TRPC6: variants seen among roughly 807,000 people sequenced by gnomAD.
TRPC6 encodes transient receptor potential cation channel subfamily C member 6.
In TRPC6, 55 loss-of-function variants were observed where a neutral mutation model predicts 90.7. That is an observed-to-expected ratio of 0.61 (90% CI 0.49 to 0.76). The LOEUF is 0.76. Ranked by LOEUF, TRPC6 falls within the 30% of genes least tolerant of loss-of-function variation. TRPC6 has a pLI of 0.00. For synonymous variants in TRPC6, 393 were observed against 393.0 expected, an observed-to-expected ratio of 1.00 and a Z score of 0.00; for missense variants, 989 against 1,122.7, an observed-to-expected ratio of 0.88 and a Z score of 1.70.
intron 10 of TRPC6, among the ~76,000 whole-genome samples, chr11:101,459,612 G>C (rs1297443725): frequency 6.6e-6 from 1 of 152,096 alleles, no homozygotes; most frequent in Non-Finnish European, 1.5e-5. Flanking sequence ...CATTTTTAGA[G>C]AAGCTACAGG....
In TRPC6 at chr11:101,530,349, G is replaced by A. The variant is rs187210737; in HGVS notation, c.171-25551C>T. On this transcript the variant is annotated intron_variant, in intron 1 of 12. Coordinates refer to ENST00000344327, the MANE Select transcript of TRPC6 (RefSeq NM_004621.6). Reference sequence around the variant, plus strand: ...CCACAGCAGATCCTACGACAGCTCAGAAATTTGTCTCCAGTGCCCTTCAAT... The same window carrying A: ...CCACAGCAGATCCTACGACAGCTCAAAAATTTGTCTCCAGTGCCCTTCAAT... Among the ~76,000 whole-genome samples, 12 of 152,232 alleles carry A rather than the reference G, an allele frequency of 7.9e-5. No homozygotes were observed. In the East Asian group the frequency reaches 2.3e-3, roughly 29 times the overall value.
At chr11:101,486,236 T>A (rs1235777045) in intron 4 of TRPC6, among the ~76,000 whole-genome samples, 1 of 152,234 alleles carries the variant, frequency 6.6e-6, no homozygotes, top group East Asian at 1.9e-4. Flanking sequence ...GATTTTGGCA[T>A]CTCTCACTAG....
At position 101,453,545 on chromosome 11, in the gene TRPC6, A is replaced by G. The variant is rs948110955; in HGVS notation, c.2644+105T>C. 8.2e-6 allele frequency: 9 copies of G among 1,101,396 alleles called. No homozygotes were observed. In the African/African-American group the frequency reaches 1.1e-4, roughly 13 times the overall value. The allele number at this position is 1,101,396 out of a possible 1,614,324, so 68.2% of individuals were successfully genotyped here. A position where few individuals can be genotyped will look rare whatever the true frequency, so the allele number is the denominator to read the frequency against. On this transcript the variant is annotated intron_variant, in intron 12 of 12. Coordinates refer to ENST00000344327, the MANE Select transcript of TRPC6 (RefSeq NM_004621.6). The stretch of plus-strand genomic sequence containing the variant: ...GATCCTGTTCTACTTTTCCCCTTGA[A>G]GTTCACTCTCCCTGTACGCATCTCT...
rs111367906 is a variant in TRPC6, at chr11:101,491,836, C to G, written c.946-98G>C. On this transcript the variant is annotated intron_variant, in intron 2 of 12. Coordinates refer to ENST00000344327, the MANE Select transcript of TRPC6 (RefSeq NM_004621.6). ...GATTTTATACTTTAAGAGAAACATT[C>G]TTTTTTTTTTTTTTTTTTTTTTGAG... 955 of 444,714 alleles carry G rather than the reference C, an allele frequency of 2.1e-3. 3 individuals are homozygous for G. Among genetic ancestry groups the G allele is most frequent in the Non-Finnish European group, 2.6e-3 (786 of 298,588 alleles). 27.5% of individuals were successfully genotyped at this position (444,714 alleles called of 1,614,324 possible). A position where few individuals can be genotyped will look rare whatever the true frequency, so the allele number is the denominator to read the frequency against.
intron 10 of TRPC6, among the ~76,000 whole-genome samples, chr11:101,464,415 G>A (rs569381546): frequency 6.6e-6 from 1 of 152,174 alleles, no homozygotes; most frequent in Admixed American, 6.5e-5. Flanking sequence ...CTATTATTGT[G>A]TGGGAGTCTG....
chr11:101,492,538 T>A (rs983500237), intron 2 of TRPC6, among the ~76,000 whole-genome samples: 2 of 151,986 alleles, frequency 1.3e-5, no homozygotes, highest in East Asian at 3.9e-4. Context: ...TCCGTGATCA[T>A]GCCACTGTCA....
intron 1 of TRPC6, among the ~76,000 whole-genome samples, chr11:101,562,328 T>C (rs1024315941): frequency 3.3e-5 from 5 of 150,316 alleles, no homozygotes; most frequent in African/African-American, 1.3e-4. Flanking sequence ...CAGTTATGTA[T>C]TTAGTATATA....
chr11:101,473,439 C>G (rs998361147), intron 7 of TRPC6, 70 bp downstream of exon 7: 10 of 1,560,318 alleles, frequency 6.4e-6, no homozygotes, highest in Non-Finnish European at 8.8e-6. Flanking sequence ...CATGGACTTA[C>G]ATAAACGCTG....
chr11:101,534,857 A>G (rs180946574), intron 1 of TRPC6, among the ~76,000 whole-genome samples: 8 of 152,290 alleles, frequency 5.3e-5, no homozygotes, highest in Admixed American at 4.6e-4. Context: ...TGCAAGATTT[A>G]TATGAGAAAA....
At chr11:101,562,379 T>A (rs1362674025) in intron 1 of TRPC6, among the ~76,000 whole-genome samples, 1 of 152,154 alleles carries the variant, frequency 6.6e-6, no homozygotes, top group African/African-American at 2.4e-5. Flanking sequence ...TGGACAGTCC[T>A]CAAAAAGCTT....
At chr11:101,538,005 G>A (rs1303069794) in intron 1 of TRPC6, among the ~76,000 whole-genome samples, 4 of 151,894 alleles carry the variant, frequency 2.6e-5, no homozygotes, top group African/African-American at 9.7e-5. Flanking sequence ...CTGTCCTCTT[G>A]CTTTGTTTTT....
intron 2 of TRPC6, among the ~76,000 whole-genome samples, chr11:101,499,639 G>GTATATATATATACACAATATAAAATGTA (rs1565218515): frequency 2.4e-4 from 10 of 41,766 alleles, no homozygotes; most frequent in Non-Finnish European, 3.3e-4. Flanking sequence ...TATAAAATGT[G>GTATATATATATACACAATATAAAATGTA]TATATATATA....
rs373385109 is a variant in TRPC6 at position 101,454,029 on chromosome 11, A to G, written c.2569-304T>C. Among the ~76,000 whole-genome samples the G allele has an allele frequency of 7.9e-5, 12 of 152,336 alleles. No homozygotes were observed. The East Asian group carries it at 1.9e-3, about 25-fold the overall frequency. ...TATTTGAAAAGTATTAGAGTAAGAC[A>G]GTCTTTCAGTGGGGTAGGTAAAAGA... On this transcript the variant is annotated intron_variant, in intron 11 of 12. Coordinates refer to ENST00000344327, the MANE Select transcript of TRPC6 (RefSeq NM_004621.6).
chr11:101,475,418 G>A (rs193237891), intron 6 of TRPC6, among the ~76,000 whole-genome samples: 1 of 151,932 alleles, frequency 6.6e-6, no homozygotes, highest in African/African-American at 2.4e-5. Context: ...TTACATTTTT[G>A]TGGTAAGAAC....
At chr11:101,573,645 T>G (rs1486950277) in intron 1 of TRPC6, among the ~76,000 whole-genome samples, 4 of 152,322 alleles carry the variant, frequency 2.6e-5, no homozygotes, top group Admixed American at 2.0e-4. Context: ...CTTTCTCATT[T>G]ACAGTAACTC....
intron 10 of TRPC6, among the ~76,000 whole-genome samples, chr11:101,462,472 G>A (rs559332547): frequency 1.1e-4 from 17 of 152,132 alleles, no homozygotes; most frequent in East Asian, 9.7e-4. Flanking sequence ...TGTTTAAGTC[G>A]TCTCTTATTT....
chr11:101,503,543 T>G (rs1302319117), intron 2 of TRPC6, among the ~76,000 whole-genome samples: 1 of 152,216 alleles, frequency 6.6e-6, no homozygotes, highest in Non-Finnish European at 1.5e-5. Context: ...CATTTGTCTC[T>G]CTAGTCAACT....
At chr11:101,492,862 A>G (rs1859861733) in intron 2 of TRPC6, among the ~76,000 whole-genome samples, 1 of 152,230 alleles carries the variant, frequency 6.6e-6, no homozygotes, top group Non-Finnish European at 1.5e-5. Context: ...TGGCAGGCAC[A>G]GGGTCAAAAG....
At chr11:101,471,984 A>T (rs979797709) in intron 8 of TRPC6, among the ~76,000 whole-genome samples, 153 bp downstream of exon 8, 1 of 152,210 alleles carries the variant, frequency 6.6e-6, no homozygotes, top group Non-Finnish European at 1.5e-5. Flanking sequence ...GCAAAGAGTT[A>T]AAATTTTCCA....
Sources: gnomAD v4.1 joint callset for allele counts (sites outside exome capture counted in the v4.1 genomes callset) on GRCh38, gnomAD v4.1.1 for gene constraint, MANE v1.5 for transcripts, NCBI Gene and HGNC (gene_info 2026-07-23, HGNC 2026-07-21) for gene names.